LYSET: variants seen among roughly 807,000 people sequenced by gnomAD.
The protein encoded by LYSET is lysosomal enzyme trafficking factor, also known as GNPTAB cleavage and activity factor.
At chr14:93,185,275 C>A in the LYSET span, 1 of 801,816 alleles carries the variant, frequency 1.2e-6, no homozygotes, top group Non-Finnish European at 1.9e-6. Flanking sequence ...GCGACGGGGG[C>A]CGGGCCGCGC....
chr14:93,186,934 G>C, the LYSET span: 3 of 434,220 alleles, frequency 6.9e-6, no homozygotes, highest in East Asian at 1.1e-4. Flanking sequence ...TTAGAAACTT[G>C]ACTAAGTACC....
chr14:93,186,483 G>C, the LYSET span: 1 of 1,614,160 alleles, frequency 6.2e-7, no homozygotes, highest in Non-Finnish European at 8.5e-7. Flanking sequence ...GCCTTTTTGG[G>C]TGTGGACAGT....
chr14:93,186,442 C>T, the LYSET span: 2,985 of 1,614,218 alleles, frequency 1.8e-3, 5 homozygotes, highest in Non-Finnish European at 2.3e-3. Flanking sequence ...ACCACATGGA[C>T]ACACTCCTTG....
the LYSET span, chr14:93,185,544 C>T: frequency 1.1e-5 from 15 of 1,414,380 alleles, no homozygotes; most frequent in African/African-American, 4.2e-5. Flanking sequence ...ACCCCGCGTT[C>T]ACGTCTGAAG....
the LYSET span, among the ~76,000 whole-genome samples, chr14:93,187,670 C>G: frequency 6.6e-5 from 10 of 152,100 alleles, no homozygotes; most frequent in Admixed American, 2.0e-4. Context: ...CTTGCTTTGT[C>G]ACCCAGGATG....
At chr14:93,186,212 G>A in the LYSET span, 1 of 1,531,634 alleles carries the variant, frequency 6.5e-7, no homozygotes, top group Non-Finnish European at 8.8e-7. Context: ...AGTAGTTGCC[G>A]TGACAGCATT....
the LYSET span, among the ~76,000 whole-genome samples, chr14:93,186,022 C>T: frequency 6.6e-6 from 1 of 152,174 alleles, no homozygotes; most frequent in African/African-American, 2.4e-5. Flanking sequence ...GTGCCCGCCA[C>T]CACGCCCGGC....
chr14:93,185,475 TC>T, the LYSET span: 1 of 1,612,064 alleles, frequency 6.2e-7, no homozygotes. Context: ...AGGAAGATTT[TC>T]GGGACCATTG....
the LYSET span, among the ~76,000 whole-genome samples, chr14:93,185,962 G>T: frequency 6.6e-6 from 1 of 150,982 alleles, no homozygotes; most frequent in Admixed American, 6.6e-5. Context: ...TCTGCCTCCT[G>T]GGTTCACGCC....
chr14:93,188,061 C>CA, the LYSET span, among the ~76,000 whole-genome samples: 3 of 151,842 alleles, frequency 2.0e-5, no homozygotes, highest in Non-Finnish European at 4.4e-5. Flanking sequence ...CAGGTTCATG[C>CA]TATTCTCCTG....
At chr14:93,186,328 T>C in the LYSET span, 1 of 1,614,228 alleles carries the variant, frequency 6.2e-7, no homozygotes, top group Non-Finnish European at 8.5e-7. Flanking sequence ...TTGTATCTGT[T>C]AGCCAGTGCA....
chr14:93,185,449 C>T, the LYSET span: 1 of 1,613,494 alleles, frequency 6.2e-7, no homozygotes, highest in South Asian at 1.1e-5. Flanking sequence ...GACTCTTTAA[C>T]GCTTGCCGTG....
At chr14:93,186,091 T>A in the LYSET span, among the ~76,000 whole-genome samples, 1 of 151,878 alleles carries the variant, frequency 6.6e-6, no homozygotes, top group African/African-American at 2.4e-5. Flanking sequence ...GGATGGTCTC[T>A]ATCACCTGAC....
chr14:93,186,574 G>A, the LYSET span: 1 of 1,614,074 alleles, frequency 6.2e-7, no homozygotes, highest in Admixed American at 1.7e-5. Context: ...GTGGGCTACT[G>A]TATCATCCCT....
At chr14:93,185,613 T>A in the LYSET span, 1 of 765,806 alleles carries the variant, frequency 1.3e-6, no homozygotes, top group Non-Finnish European at 2.2e-6. Flanking sequence ...TGTGAGAAAC[T>A]AGTTTAATTC....
the LYSET span, chr14:93,186,695 C>G: frequency 1.9e-6 from 3 of 1,562,798 alleles, no homozygotes; most frequent in Non-Finnish European, 2.6e-6. Flanking sequence ...TTTTTCCCTA[C>G]GATTACAAAA....
At chr14:93,185,824 A>G in the LYSET span, among the ~76,000 whole-genome samples, 1 of 149,500 alleles carries the variant, frequency 6.7e-6, no homozygotes, top group Non-Finnish European at 1.5e-5. Context: ...TGTTTAATTT[A>G]ATTATTTTAA....
the LYSET span, chr14:93,186,337 C>T: frequency 6.2e-7 from 1 of 1,614,204 alleles, no homozygotes; most frequent in Non-Finnish European, 8.5e-7. Flanking sequence ...TTAGCCAGTG[C>T]AGCAGCATTT....
chr14:93,185,281 C>T, the LYSET span: 2 of 879,406 alleles, frequency 2.3e-6, no homozygotes, highest in Non-Finnish European at 3.4e-6. Context: ...GGGGCCGGGC[C>T]GCGCGTGACC....
Sources: gnomAD v4.1 joint callset for allele counts (sites outside exome capture counted in the v4.1 genomes callset) on GRCh38, gnomAD v4.1.1 for gene constraint, MANE v1.5 for transcripts, NCBI Gene and HGNC (gene_info 2026-07-23, HGNC 2026-07-21) for gene names.